KDM4A: variants seen among roughly 807,000 people sequenced by gnomAD.
KDM4A encodes the protein lysine demethylase 4A, also known as lysine-specific demethylase 4A.
In KDM4A, 23 loss-of-function variants were observed where a neutral mutation model predicts 127.1. The observed-to-expected ratio is 0.18, with a 90% CI of 0.13 to 0.26. The LOEUF is 0.26. KDM4A is among the 10% of genes least tolerant of loss of function. KDM4A has a pLI of 1.00. For synonymous variants in KDM4A, 443 were observed against 466.5 expected (o/e 0.95, Z 0.65); for missense variants, 890 against 1,329.1 (o/e 0.67, Z 5.14).
chr1:43,659,568 G>A (rs186230103), intron 3 of KDM4A, among the ~76,000 whole-genome samples: 51 of 152,120 alleles, frequency 3.4e-4, no homozygotes, highest in African/African-American at 9.6e-4. Flanking sequence ...ATCCGCCCCC[G>A]CCAGGCCTCC....
chr1:43,667,897 G>A lies in KDM4A; in HGVS notation c.1041G>A (p.Thr347=), dbSNP rs1422429761. Residue 347 remains threonine (T), a synonymous_variant, in exon 9 of 22, where the codon ACG becomes ACA. Transcript: ENST00000372396. The part of the protein sequence containing the change: ...DNTVIDHTLP[T]PEAAEFLKES... ...CAGTTATTGACCATACTCTGCCCAC[G>A]CCAGAAGCAGCTGAGTTTCTTAAGG... 7 of 1,614,034 alleles carry A rather than the reference G, an allele frequency of 4.3e-6. No individual in the cohort carries two copies. The highest frequency in any genetic ancestry group is 2.7e-5 in the African/African-American group (2 of 74,932).
chr1:43,703,809 C>G (rs956496062), intron 20 of KDM4A, 73 bp downstream of exon 20: 4 of 1,584,476 alleles, frequency 2.5e-6, no homozygotes, highest in Admixed American at 1.7e-5. Context: ...GGGCCAGAGG[C>G]GAGTCTTTGC....
chr1:43,704,717 C>T lies in KDM4A; in HGVS notation c.*347C>T. On this transcript the variant is annotated 3_prime_UTR_variant, in exon 22 of 22. Transcript: ENST00000372396. ...CTTAGCTTCATAACTATCACCTGCA[C>T]CGACTAGGCTGAGGTGCTGGTACTT... The T allele has an allele frequency of 3.5e-6, 1 of 285,874 alleles. No homozygotes were observed. Among genetic ancestry groups the T allele is most frequent in the Non-Finnish European group, 6.6e-6 (1 of 151,166 alleles). 17.7% of individuals were successfully genotyped at this position (285,874 alleles called of 1,614,324 possible). A position where few individuals can be genotyped will look rare whatever the true frequency, so the allele number is the denominator to read the frequency against.
rs995003181 is a variant in KDM4A at position 43,665,566 on chromosome 1, G to T, written c.624-130G>T. ...AACAGTCTAATATTTCATTTTTTCA[G>T]ATTCCTTTCTACTGCTTGGGAAGTT... On this transcript the variant is annotated intron_variant, in intron 5 of 21. Coordinates refer to ENST00000372396, the MANE Select transcript of KDM4A (RefSeq NM_014663.3). The T allele has an allele frequency of 8.6e-5, 63 of 729,166 alleles. No homozygotes were observed. In the East Asian group the frequency reaches 1.6e-3, roughly 19 times the overall value. The allele number at this position is 729,166 out of a possible 1,614,324, so 45.2% of individuals were successfully genotyped here. A position where few individuals can be genotyped will look rare whatever the true frequency, so the allele number is the denominator to read the frequency against.
At chr1:43,652,133 G>A (rs1225614211) in intron 1 of KDM4A, among the ~76,000 whole-genome samples, 1 of 152,228 alleles carries the variant, frequency 6.6e-6, no homozygotes, top group South Asian at 2.1e-4. Flanking sequence ...CTAGGGAGGA[G>A]CCTTGGCCTC....
At chr1:43,652,659 TTTTC>T (rs1219642037) in intron 1 of KDM4A, among the ~76,000 whole-genome samples, 71 of 145,474 alleles carry the variant, frequency 4.9e-4, no homozygotes, top group South Asian at 1.3e-3. Context: ...CCTAAATTAC[TTTTC>T]TTTCTTTCTT....
chr1:43,684,770 C>G (rs530731005), intron 12 of KDM4A, among the ~76,000 whole-genome samples: 5 of 152,294 alleles, frequency 3.3e-5, no homozygotes, highest in African/African-American at 1.2e-4. Flanking sequence ...CATTTAGATT[C>G]CTTTAGAAAA....
chr1:43,653,558 T>G, intron 2 of KDM4A: 1 of 306,312 alleles, frequency 3.3e-6, no homozygotes, highest in Non-Finnish European at 6.0e-6. Context: ...TCTCCAGGCC[T>G]GGCTGCTGTT....
Position 43,663,929 on chromosome 1 carries a change from C to T in KDM4A, c.623+842C>T, listed in dbSNP as rs535800829. ...GATTACAGGCATGAGCCACTGTACC[C>T]GGCCCATCTCAGCATTTTAGTGAAG... is the stretch of plus-strand genomic sequence containing the variant. On this transcript the variant is annotated intron_variant, in intron 5 of 21. Transcript: ENST00000372396. Among the ~76,000 whole-genome samples the T allele has an allele frequency of 1.6e-4, 24 of 152,256 alleles. 1 individual carries two copies. The South Asian group carries it at 2.5e-3, about 16-fold the overall frequency.
chr1:43,694,644 G>C lies in KDM4A; in HGVS notation c.2485-65G>C. The C allele has an allele frequency of 3.5e-6, 5 of 1,429,338 alleles. No homozygotes were observed. Among genetic ancestry groups the C allele is most frequent in the African/African-American group, 1.4e-5 (1 of 71,442 alleles). 88.5% of individuals were successfully genotyped at this position (1,429,338 alleles called of 1,614,324 possible). A position where few individuals can be genotyped will look rare whatever the true frequency, so the allele number is the denominator to read the frequency against. On this transcript the variant is annotated intron_variant, in intron 17 of 21. Coordinates refer to ENST00000372396, the MANE Select transcript of KDM4A (RefSeq NM_014663.3). This position sits in a 1 kb window ranked among gnomAD's most constrained non-coding sequence, Gnocchi z 5.2. Reference sequence around the variant, plus strand: ...CTTGCTTGGCTTTGCATTTGGGAGGGGAACAACAGAGGAAGCTGCAGTGCC... The same window carrying C: ...CTTGCTTGGCTTTGCATTTGGGAGGCGAACAACAGAGGAAGCTGCAGTGCC...
intron 3 of KDM4A, among the ~76,000 whole-genome samples, chr1:43,657,568 G>C (rs1246615913): frequency 3.9e-5 from 6 of 151,990 alleles, no homozygotes; most frequent in East Asian, 1.9e-4. Context: ...TTACATAAAG[G>C]CATGTTGAAG....
chr1:43,701,805 A>G (rs1661403276), intron 19 of KDM4A, among the ~76,000 whole-genome samples: 1 of 152,224 alleles, frequency 6.6e-6, no homozygotes, highest in Admixed American at 6.5e-5. Flanking sequence ...TTTTTCAAAT[A>G]AAACTGGTAT....
chr1:43,671,675 C>G lies in KDM4A; in HGVS notation c.1534C>G (p.Leu512Val). The G allele has an allele frequency of 1.2e-6, 2 of 1,613,198 alleles. No homozygotes were observed. Among genetic ancestry groups the G allele is most frequent in the East Asian group, 2.2e-5 (1 of 44,866 alleles). Residue 512 changes from leucine (L) to valine (V), a missense_variant, in exon 11 of 22, where the codon CTG becomes GTG. Transcript: ENST00000372396. Reference protein sequence around the residue: ...SGSKKKSSSSLGSGSSRDSIS... With the variant: ...SGSKKKSSSSVGSGSSRDSIS... ...CTCCAAAAAGAAATCATCTTCTAGCCTGGGCTCTGGCTCTTCACGGGATTC... is the reference window on the plus strand; with the variant it reads ...CTCCAAAAAGAAATCATCTTCTAGCGTGGGCTCTGGCTCTTCACGGGATTC...
chr1:43,702,671 A>C (rs1218485988), intron 19 of KDM4A: 1 of 152,174 alleles, frequency 6.6e-6, no homozygotes, highest in South Asian at 2.1e-4. Flanking sequence ...TCTGGAAGGA[A>C]TAAAAGTTCT....
chr1:43,703,087 C>T (rs998761906), intron 19 of KDM4A, among the ~76,000 whole-genome samples: 5 of 151,892 alleles, frequency 3.3e-5, no homozygotes, highest in East Asian at 2.0e-4. Flanking sequence ...GGACTACAGG[C>T]GCCTGCCACC....
chr1:43,697,065 A>G (rs991099877), intron 18 of KDM4A, among the ~76,000 whole-genome samples: 6 of 152,264 alleles, frequency 3.9e-5, no homozygotes, highest in Non-Finnish European at 5.9e-5. Context: ...AATGACATCA[A>G]TAAGTTGACA....
At chr1:43,660,222 A>T in intron 3 of KDM4A, 76 bp from the exon 4 acceptor site, 3 of 1,468,736 alleles carry the variant, frequency 2.0e-6, no homozygotes, top group Non-Finnish European at 2.8e-6. Flanking sequence ...GGAATAGGGG[A>T]TTATGTCTTG....
At chr1:43,664,924 T>C (rs902864515) in intron 5 of KDM4A, among the ~76,000 whole-genome samples, 1 of 152,222 alleles carries the variant, frequency 6.6e-6, no homozygotes, top group Admixed American at 6.5e-5. Context: ...TTGTCAACTC[T>C]TCTTCTCTGT....
chr1:43,666,607 T>G (rs763136230), intron 7 of KDM4A, 52 bp downstream of exon 7: 2 of 1,427,414 alleles, frequency 1.4e-6, no homozygotes, highest in South Asian at 2.3e-5. Flanking sequence ...TTCTGGCCTT[T>G]GTTTTACAGT....
Sources: allele counts gnomAD v4.1 joint callset (sites outside exome capture counted in the v4.1 genomes callset), GRCh38; gene constraint gnomAD v4.1.1; non-coding constraint Gnocchi (gnomAD v3.1); transcripts MANE v1.5; gene names NCBI Gene and HGNC (gene_info 2026-07-23, HGNC 2026-07-21).